TTC28: variants seen among roughly 807,000 people sequenced by gnomAD.
TTC28 encodes tetratricopeptide repeat domain 28.
TTC28 carries 61 observed loss-of-function variants against 198.0 expected under a neutral mutation model. The observed-to-expected ratio is 0.31, with a 90% CI of 0.25 to 0.38. The LOEUF (loss-of-function observed/expected upper bound fraction) is 0.38. Ranked by LOEUF, TTC28 falls within the 10% of genes least tolerant of loss-of-function variation. The pLI, the probability that TTC28 is intolerant of heterozygous loss-of-function variation, is 1.00. For missense variants in TTC28, 2,678 were observed against 3,164.0 expected, an observed-to-expected ratio of 0.85 and a Z score of 3.69; for synonymous variants, 1,171 against 1,297.8, an observed-to-expected ratio of 0.90 and a Z score of 2.10.
intron 2 of TTC28, among the ~76,000 whole-genome samples, chr22:28,310,675 T>G (rs1431956912): frequency 6.6e-6 from 1 of 152,214 alleles, no homozygotes; most frequent in Non-Finnish European, 1.5e-5. Context: ...TGTAATGATA[T>G]ATAGAATAGT....
Position 27,982,382 on chromosome 22 carries a change from G to T in TTC28, c.7285C>A (p.Pro2429Thr). The T allele has an allele frequency of 6.4e-7, 1 of 1,550,650 alleles. No homozygotes were observed. The highest frequency in any genetic ancestry group is 1.2e-5 in the South Asian group (1 of 83,976). ...QQHDGAPPKA[P>T]PNGHWRTETT... The stretch of plus-strand genomic sequence containing the variant: ...TCGGTGCGCCAGTGTCCGTTGGGAG[G>T]GGCTTTCGGTGGAGCTCCGTCATGC... The change falls in exon 23 of 23, where the codon CCT (proline) becomes ACT (threonine). Residue 2429 changes from proline (P) to threonine (T), a missense_variant. Physicochemically the swap from Pro to Thr is conservative, Grantham distance 38. Transcript: ENST00000397906. This position sits in a 1 kb window ranked among gnomAD's most constrained non-coding sequence, Gnocchi z 5.2.
At chr22:28,095,179 G>C (rs756123016) in intron 11 of TTC28, among the ~76,000 whole-genome samples, 4 of 152,038 alleles carry the variant, frequency 2.6e-5, no homozygotes, top group Admixed American at 2.0e-4. Flanking sequence ...TATTAACCAA[G>C]TCACTGTAAA....
At chr22:28,444,727 T>C (rs977617981) in intron 2 of TTC28, among the ~76,000 whole-genome samples, 13 of 152,196 alleles carry the variant, frequency 8.5e-5, no homozygotes, top group African/African-American at 2.9e-4. Context: ...CTAGAGCTTA[T>C]GCCTTTTCTA....
chr22:28,621,758 A>AAG (rs1569065552), intron 2 of TTC28, among the ~76,000 whole-genome samples: 8 of 149,470 alleles, frequency 5.4e-5, no homozygotes, highest in African/African-American at 2.0e-4. Flanking sequence ...AAAAAAAAAA[A>AAG]AAAAGAAAGA....
intron 2 of TTC28, among the ~76,000 whole-genome samples, chr22:28,504,720 T>C (rs2048583276): frequency 6.6e-6 from 1 of 152,142 alleles, no homozygotes; most frequent in African/African-American, 2.4e-5. Context: ...TTTGAGGTTG[T>C]CCATTCCCAG....
chr22:28,556,868 T>G (rs527679271), intron 2 of TTC28, among the ~76,000 whole-genome samples: 2 of 152,334 alleles, frequency 1.3e-5, no homozygotes, highest in East Asian at 3.9e-4. Flanking sequence ...TCTTCTCCAG[T>G]AGGGCTTTTC....
At chr22:28,612,153 C>G (rs1243453932) in intron 2 of TTC28, among the ~76,000 whole-genome samples, 1 of 150,696 alleles carries the variant, frequency 6.6e-6, no homozygotes, top group Non-Finnish European at 1.5e-5. Context: ...AAATGGAGAG[C>G]AAAAAAAAGC....
At chr22:28,640,069 G>A (rs1158326865) in intron 1 of TTC28, among the ~76,000 whole-genome samples, 1 of 152,060 alleles carries the variant, frequency 6.6e-6, no homozygotes, top group Non-Finnish European at 1.5e-5. Flanking sequence ...CAATTTTGGA[G>A]GCCGATGTGG....
chr22:28,149,677 C>A (rs1943559944), intron 6 of TTC28, among the ~76,000 whole-genome samples: 2 of 152,170 alleles, frequency 1.3e-5, no homozygotes, highest in African/African-American at 4.8e-5. Context: ...CTATAACACA[C>A]ATGGAGCTAT....
chr22:28,476,775 G>C (rs2048174194), intron 2 of TTC28, among the ~76,000 whole-genome samples: 1 of 152,030 alleles, frequency 6.6e-6, no homozygotes, highest in African/African-American at 2.4e-5. Flanking sequence ...ACACTCTTAA[G>C]TATTTGCTCA....
chr22:28,044,512 T>C (rs1177794650), intron 12 of TTC28, among the ~76,000 whole-genome samples: 1 of 152,208 alleles, frequency 6.6e-6, no homozygotes, highest in Non-Finnish European at 1.5e-5. Context: ...TGCAGGTTTG[T>C]TACATATGTA....
In TTC28 at chr22:28,519,393, A is replaced by G. The variant is rs139139734; in HGVS notation, c.381+110159T>C. On this transcript the variant is annotated intron_variant, in intron 2 of 22. Coordinates refer to ENST00000397906, the MANE Select transcript of TTC28 (RefSeq NM_001145418.2). ...GAGTTAAAGACACCAATGACTAACAAATGGTTTGCAGGATGGCAGATAAAA... is the reference window on the plus strand; with the variant it reads ...GAGTTAAAGACACCAATGACTAACAGATGGTTTGCAGGATGGCAGATAAAA... Among the ~76,000 whole-genome samples the G allele has an allele frequency of 3.4e-3, 511 of 152,342 alleles. 1 individual carries two copies. Among genetic ancestry groups the G allele is most frequent in the African/African-American group, 0.011 (441 of 41,574 alleles).
At chr22:28,408,797 G>T (rs2047037694) in intron 2 of TTC28, among the ~76,000 whole-genome samples, 1 of 152,214 alleles carries the variant, frequency 6.6e-6, no homozygotes, top group African/African-American at 2.4e-5. Flanking sequence ...ATTAAAATGA[G>T]CTCTTCGAAT....
chr22:28,583,235 G>A (rs971639428), intron 2 of TTC28, among the ~76,000 whole-genome samples: 1 of 152,050 alleles, frequency 6.6e-6, no homozygotes, highest in Non-Finnish European at 1.5e-5. Flanking sequence ...AAAAAAGATT[G>A]ATGTCACTTA....
intron 2 of TTC28, among the ~76,000 whole-genome samples, chr22:28,522,754 T>TA (rs1396024092): frequency 5.3e-5 from 8 of 151,730 alleles, no homozygotes; most frequent in South Asian, 2.1e-4. Flanking sequence ...ACAATCTAAG[T>TA]AAAAAAAACC....
chr22:28,336,791 C>G (rs1569268241), intron 2 of TTC28, among the ~76,000 whole-genome samples: 2 of 152,126 alleles, frequency 1.3e-5, no homozygotes, highest in African/African-American at 4.8e-5. Context: ...AAAAAACCAG[C>G]TCCTGGATTC....
chr22:28,128,858 AT>A (rs1942982408), intron 6 of TTC28, among the ~76,000 whole-genome samples: 1 of 152,092 alleles, frequency 6.6e-6, no homozygotes, highest in African/African-American at 2.4e-5. Flanking sequence ...ATTTTACACA[AT>A]TTATCTAACA....
At chr22:28,023,102 T>C (rs1162155563) in intron 13 of TTC28, among the ~76,000 whole-genome samples, 1 of 152,196 alleles carries the variant, frequency 6.6e-6, no homozygotes, top group Non-Finnish European at 1.5e-5. Context: ...GAGCCGCATG[T>C]GGCTTCTCTC....
intron 3 of TTC28, among the ~76,000 whole-genome samples, chr22:28,304,154 G>A (rs924566694): frequency 4.6e-5 from 7 of 152,022 alleles, no homozygotes; most frequent in Admixed American, 1.3e-4. Context: ...ACGTGGTGGC[G>A]GGCGCCTGTA....
Sources: gnomAD v4.1 joint callset for allele counts (sites outside exome capture counted in the v4.1 genomes callset) on GRCh38, gnomAD v4.1.1 for gene constraint, Gnocchi (gnomAD v3.1) non-coding constraint, MANE v1.5 for transcripts, NCBI Gene and HGNC (gene_info 2026-07-23, HGNC 2026-07-21) for gene names.